UBASH3B: variants seen among roughly 807,000 people sequenced by gnomAD.
UBASH3B encodes ubiquitin-associated and SH3 domain-containing protein B.
In UBASH3B, 37 loss-of-function variants were observed where a neutral mutation model predicts 83.4. The ratio of observed to expected loss-of-function variants is 0.44; its 90% CI spans 0.34 to 0.58. UBASH3B has a LOEUF of 0.58. Among genes scored for constraint, UBASH3B ranks in the 20% least tolerant of loss-of-function variants. UBASH3B has a pLI of 0.01. For synonymous variants in UBASH3B, 304 were observed against 318.3 expected (o/e 0.96, Z 0.48); for missense variants, 657 against 827.2 (o/e 0.79, Z 2.52).
chr11:122,749,574 T>C (rs758039820), intron 1 of UBASH3B, among the ~76,000 whole-genome samples: 1 of 152,182 alleles, frequency 6.6e-6, no homozygotes, highest in Non-Finnish European at 1.5e-5. Context: ...TTAGCTCTAT[T>C]TAGTGAATTG....
At chr11:122,784,200 CT>C (rs1860908913) in intron 5 of UBASH3B, among the ~76,000 whole-genome samples, 1 of 152,162 alleles carries the variant, frequency 6.6e-6, no homozygotes, top group African/African-American at 2.4e-5. Context: ...TCTCAAAGTG[CT>C]GGGATTACAA....
At chr11:122,734,806 A>G (rs28619431) in intron 1 of UBASH3B, among the ~76,000 whole-genome samples, 12 of 151,712 alleles carry the variant, frequency 7.9e-5, no homozygotes, top group African/African-American at 2.2e-4. Context: ...TCTTAAAAAA[A>G]AAAAAGAAAA....
intron 6 of UBASH3B, among the ~76,000 whole-genome samples, 160 bp downstream of exon 6, chr11:122,789,468 G>T (rs1452965871): frequency 6.6e-6 from 1 of 152,184 alleles, no homozygotes; most frequent in Non-Finnish European, 1.5e-5. Context: ...GGGAAAATGC[G>T]AAATGGATTG....
chr11:122,690,214 T>TATATATATATATA (rs1863873410), intron 1 of UBASH3B, among the ~76,000 whole-genome samples: 1 of 52,682 alleles, frequency 1.9e-5, no homozygotes, highest in Non-Finnish European at 3.3e-5. Flanking sequence ...ATATATCCAA[T>TATATATATATATA]TATATATATA....
chr11:122,722,319 T>A (rs1359256155), intron 1 of UBASH3B, among the ~76,000 whole-genome samples: 1 of 152,208 alleles, frequency 6.6e-6, no homozygotes, highest in African/African-American at 2.4e-5. Context: ...GTCCTGGTTC[T>A]CTCCTGCACT....
chr11:122,784,142 G>A (rs1860906513), intron 5 of UBASH3B, among the ~76,000 whole-genome samples: 1 of 152,012 alleles, frequency 6.6e-6, no homozygotes, highest in South Asian at 2.1e-4. Context: ...GGGTTTCACT[G>A]TGTTGGCCAG....
chr11:122,718,354 C>T (rs1277257900), intron 1 of UBASH3B, among the ~76,000 whole-genome samples: 1 of 152,196 alleles, frequency 6.6e-6, no homozygotes, highest in African/African-American at 2.4e-5. Flanking sequence ...CCTCAGATTC[C>T]TTGCAAGTCA....
At chr11:122,770,459 T>C (rs1393981524) in intron 1 of UBASH3B, among the ~76,000 whole-genome samples, 1 of 72,132 alleles carries the variant, frequency 1.4e-5, no homozygotes, top group Non-Finnish European at 3.0e-5. Context: ...ATGTCTTAAG[T>C]GTTTTTTTTT....
chr11:122,682,095 G>A (rs576860847), intron 1 of UBASH3B, among the ~76,000 whole-genome samples: 52 of 152,318 alleles, frequency 3.4e-4, no homozygotes, highest in African/African-American at 2.4e-5. Flanking sequence ...TTGGAAGCTC[G>A]GAGGGATCAC....
intron 1 of UBASH3B, among the ~76,000 whole-genome samples, chr11:122,721,061 C>T (rs562441798): frequency 1.1e-4 from 16 of 151,606 alleles, no homozygotes; most frequent in Admixed American, 5.9e-4. Context: ...CCGGCTCACA[C>T]GGTGAAACCC....
Position 122,656,055 on chromosome 11 carries a change from T to C in UBASH3B, c.6T>C (p.Ala2=). The C allele has an allele frequency of 6.3e-7, 1 of 1,591,720 alleles. No homozygotes were observed. The highest frequency in any genetic ancestry group is 1.7e-5 in the Admixed American group (1 of 58,194). M[A]QYGHPSPLGM... ...CGATGGCTGGCCGCTGAGCCATGGC[T>C]CAGTACGGCCACCCCAGTCCGCTCG... The change falls in exon 1 of 14, where the codon GCT becomes GCC. Residue 2 remains alanine (A), a synonymous_variant. Coordinates refer to ENST00000284273, the MANE Select transcript of UBASH3B (RefSeq NM_032873.5).
intron 6 of UBASH3B, among the ~76,000 whole-genome samples, chr11:122,793,616 T>C (rs1861098428): frequency 6.6e-6 from 1 of 152,228 alleles, no homozygotes; most frequent in Admixed American, 6.5e-5. Flanking sequence ...AACAACCATA[T>C]TTACATTGCA....
intron 1 of UBASH3B, among the ~76,000 whole-genome samples, chr11:122,670,675 A>G (rs1863582485): frequency 6.6e-6 from 1 of 152,114 alleles, no homozygotes; most frequent in South Asian, 2.1e-4. Context: ...TTAATAAACT[A>G]TTCTAAGTCT....
chr11:122,708,416 C>T (rs1591779385), intron 1 of UBASH3B, among the ~76,000 whole-genome samples: 1 of 151,710 alleles, frequency 6.6e-6, no homozygotes, highest in Non-Finnish European at 1.5e-5. Flanking sequence ...CTCAGCCTCC[C>T]GAGTAGCTGG....
intron 1 of UBASH3B, among the ~76,000 whole-genome samples, chr11:122,769,583 G>C (rs565496836): frequency 1.6e-4 from 24 of 152,342 alleles, no homozygotes; most frequent in South Asian, 1.5e-3. Flanking sequence ...ACTCTGTTGA[G>C]CAGCCTCAGA....
chr11:122,779,574 C>T lies in UBASH3B; in HGVS notation c.480C>T (p.Ala160=). 6.2e-7 allele frequency: 1 copy of T among 1,614,170 alleles called. No individual in the cohort carries two copies. Among genetic ancestry groups the T allele is most frequent in the Non-Finnish European group, 8.5e-7 (1 of 1,180,024 alleles). ...TVSRWKCKFS[A]PLPLELYTSS... ...GTCGCTGGAAATGTAAGTTCTCGGCCCCGCTGCCCCTGGAGCTCTATACGT... is the reference window on the plus strand; with the variant it reads ...GTCGCTGGAAATGTAAGTTCTCGGCTCCGCTGCCCCTGGAGCTCTATACGT... The change falls in exon 4 of 14, where the codon GCC becomes GCT. Residue 160 remains alanine, a synonymous_variant. Coordinates refer to ENST00000284273, the MANE Select transcript of UBASH3B (RefSeq NM_032873.5).
In UBASH3B at chr11:122,808,030, A is replaced by G. The variant is rs535228543; in HGVS notation, c.1703-37A>G. On this transcript the variant is annotated intron_variant, in intron 12 of 13. Coordinates refer to ENST00000284273, the MANE Select transcript of UBASH3B (RefSeq NM_032873.5). The stretch of plus-strand genomic sequence containing the variant: ...ATTTGCAAAGTTTCCATGTCTTTAT[A>G]GAAACAGTCTTCCCATACCTTGCCA... The G allele has an allele frequency of 4.0e-6, 6 of 1,514,750 alleles. No homozygotes were observed. The African/African-American group carries it at 6.8e-5, about 17-fold the overall frequency. 93.8% of individuals were successfully genotyped at this position (1,514,750 alleles called of 1,614,324 possible). A position where few individuals can be genotyped will look rare whatever the true frequency, so the allele number is the denominator to read the frequency against.
chr11:122,709,261 T>C (rs1309620610), intron 1 of UBASH3B: 1 of 152,162 alleles, frequency 6.6e-6, no homozygotes, highest in Non-Finnish European at 1.5e-5. Context: ...CAAACTATGT[T>C]ATTGGAGACT....
intron 1 of UBASH3B, among the ~76,000 whole-genome samples, chr11:122,676,141 C>A (rs1863664716): frequency 6.6e-6 from 1 of 152,122 alleles, no homozygotes; most frequent in African/African-American, 2.4e-5. Context: ...GTGGCTCAGG[C>A]CTGTAATCCC....
Sources: allele counts gnomAD v4.1 joint callset (sites outside exome capture counted in the v4.1 genomes callset), GRCh38; gene constraint gnomAD v4.1.1; transcripts MANE v1.5; gene names NCBI Gene and HGNC (gene_info 2026-07-23, HGNC 2026-07-21).